PKIG: variants seen among roughly 807,000 people sequenced by gnomAD.
PKIG encodes protein kinase (cAMP-dependent, catalytic) inhibitor gamma.
In PKIG, 1 loss-of-function variant was observed where a neutral mutation model predicts 6.8. The observed-to-expected ratio is 0.15, with a 90% CI of 0.05 to 0.69. The LOEUF is 0.69. Ranked by LOEUF, PKIG falls within the 30% of genes least tolerant of loss-of-function variation. PKIG has a pLI of 0.82. For synonymous variants in PKIG, 39 were observed against 43.0 expected (o/e 0.91, Z 0.36); for missense variants, 77 against 104.0 (o/e 0.74, Z 1.13).
chr20:44,554,362 G>A (rs887298900), intron 1 of PKIG, among the ~76,000 whole-genome samples: 2 of 152,158 alleles, frequency 1.3e-5, no homozygotes, highest in Non-Finnish European at 2.9e-5. Context: ...GATTATAAGT[G>A]TGAGCCACTG....
At position 44,575,935 on chromosome 20, in the gene PKIG, G is replaced by A. The variant is rs534074506; in HGVS notation, c.-240-6650G>A. Among the ~76,000 whole-genome samples, 36 of 152,222 alleles carry A rather than the reference G, an allele frequency of 2.4e-4. No individual in the cohort carries two copies. The South Asian group carries it at 7.3e-3, about 31-fold the overall frequency. ...TCCCTGGGGTCCCACACCATTCCTT[G>A]TCTCTCATTTCCAATGGTGCTTTCT... On this transcript the variant is annotated intron_variant, in intron 1 of 4. Transcript: ENST00000372887.
At chr20:44,580,637 C>A (rs1382865252), upstream of PKIG, among the ~76,000 whole-genome samples, 1 of 151,798 alleles carries the variant, frequency 6.6e-6, no homozygotes, top group African/African-American at 2.4e-5. Context: ...TGTGAGCCAC[C>A]GCGCCCGGCC....
chr20:44,601,173 A>G (rs2065118643), intron 2 of PKIG, among the ~76,000 whole-genome samples: 2 of 152,194 alleles, frequency 1.3e-5, no homozygotes, highest in African/African-American at 4.8e-5. Context: ...TAGGCACCGT[A>G]GAAGTCACTC....
chr20:44,563,865 G>A (rs1379997536), intron 1 of PKIG, among the ~76,000 whole-genome samples: 4 of 152,098 alleles, frequency 2.6e-5, no homozygotes, highest in South Asian at 2.1e-4. Flanking sequence ...CTCTTTATGG[G>A]TTAAGGAAAT....
Position 44,589,812 on chromosome 20 carries a change from T to A in PKIG, c.-78T>A, listed in dbSNP as rs534222641. ...GGTTCCTTAGAATTCCCGTACTGAT[T>A]AGTCAACAGTGGAAAATCTGAAGAG... On this transcript the variant is annotated 5_prime_UTR_variant, in exon 2 of 4. Transcript: ENST00000372886. The A allele has an allele frequency of 1.3e-5, 2 of 152,316 alleles. No homozygotes were observed. Among genetic ancestry groups the A allele is most frequent in the Non-Finnish European group, 2.9e-5 (2 of 68,018 alleles). The allele number at this position is 152,316 out of a possible 1,614,324, so 9.4% of individuals were successfully genotyped here.
chr20:44,612,742 A>G (rs1318929878), intron 2 of PKIG, among the ~76,000 whole-genome samples: 1 of 152,166 alleles, frequency 6.6e-6, no homozygotes, highest in Non-Finnish European at 1.5e-5. Context: ...GCAACTGGGA[A>G]ATGTGTCAAA....
chr20:44,560,065 CAA>C (rs113467337), intron 1 of PKIG, among the ~76,000 whole-genome samples: 13 of 123,188 alleles, frequency 1.1e-4, no homozygotes, highest in African/African-American at 1.6e-4. Context: ...GAAAAAAATA[CAA>C]AAAAAAAAAG....
At chr20:44,540,723 G>A (rs2064553968) in intron 1 of PKIG, among the ~76,000 whole-genome samples, 1 of 151,786 alleles carries the variant, frequency 6.6e-6, no homozygotes, top group Admixed American at 6.6e-5. Context: ...GATTACAGCT[G>A]CCCACCACCA....
At chr20:44,562,492 C>T (rs1317249547) in intron 1 of PKIG, among the ~76,000 whole-genome samples, 2 of 150,838 alleles carry the variant, frequency 1.3e-5, no homozygotes, top group African/African-American at 2.4e-5. Flanking sequence ...GTCCCAGCCA[C>T]TCAGGATGCT....
intron 1 of PKIG, among the ~76,000 whole-genome samples, chr20:44,558,387 G>A (rs2064733656): frequency 6.7e-6 from 1 of 150,292 alleles, no homozygotes; most frequent in African/African-American, 2.5e-5. Flanking sequence ...TGATCGATTG[G>A]TTGATTTTGG....
intron 1 of PKIG, among the ~76,000 whole-genome samples, chr20:44,542,872 C>A (rs1014833276): frequency 6.6e-6 from 1 of 152,162 alleles, no homozygotes; most frequent in Non-Finnish European, 1.5e-5. Flanking sequence ...GGATTACAGG[C>A]GTGAGCCACT....
rs147174163 is a variant in PKIG at position 44,569,153 on chromosome 20, T to C, written c.-240-13432T>C. Among the ~76,000 whole-genome samples, 514 of 152,356 alleles carry C rather than the reference T, an allele frequency of 3.4e-3. 4 individuals carry two copies. The highest frequency in any genetic ancestry group is 0.012 in the African/African-American group (496 of 41,578). ...GTCAAATTGCCCTTTAGGAATGTTG[T>C]ACCGTTTTCCATTTTCACCTACATT... On this transcript the variant is annotated intron_variant, in intron 1 of 4. Coordinates refer to the PKIG transcript ENST00000372887.
At chr20:44,573,383 T>G (rs1600863203) in intron 1 of PKIG, among the ~76,000 whole-genome samples, 2 of 152,280 alleles carry the variant, frequency 1.3e-5, no homozygotes, top group East Asian at 3.8e-4. Flanking sequence ...AACATTTTGT[T>G]GTTGAGAGGA....
intron 1 of PKIG, among the ~76,000 whole-genome samples, chr20:44,544,357 A>G (rs570100839): frequency 8.5e-5 from 13 of 152,290 alleles, no homozygotes; most frequent in African/African-American, 3.1e-4. Flanking sequence ...GATTGGTCGA[A>G]GAGGAATTGT....
At chr20:44,607,328 T>C (rs1031497622) in intron 2 of PKIG, among the ~76,000 whole-genome samples, 6 of 150,882 alleles carry the variant, frequency 4.0e-5, no homozygotes, top group Admixed American at 1.3e-4. Flanking sequence ...TGTGTGTGTG[T>C]GTGTTTGTGT....
At chr20:44,585,424 T>C (rs1343422058) in intron 1 of PKIG, among the ~76,000 whole-genome samples, 2 of 152,218 alleles carry the variant, frequency 1.3e-5, no homozygotes, top group Non-Finnish European at 2.9e-5. Context: ...CACACAGGGC[T>C]GGGCATCTTG....
At chr20:44,601,904 A>C (rs1285667004) in intron 2 of PKIG, among the ~76,000 whole-genome samples, 1 of 152,250 alleles carries the variant, frequency 6.6e-6, no homozygotes, top group Non-Finnish European at 1.5e-5. Context: ...CTCTTGGCAG[A>C]GCCTGGGGCC....
chr20:44,602,490 A>C (rs1466407449), intron 2 of PKIG, among the ~76,000 whole-genome samples: 2 of 152,140 alleles, frequency 1.3e-5, no homozygotes, highest in African/African-American at 4.8e-5. Context: ...AGTGCCTGGC[A>C]TGTAGAAGTT....
intron 2 of PKIG, among the ~76,000 whole-genome samples, chr20:44,610,328 A>G (rs1007433598): frequency 3.9e-5 from 6 of 152,130 alleles, no homozygotes; most frequent in African/African-American, 1.4e-4. Flanking sequence ...TTTCTACCAT[A>G]GGACACCTCC....
Sources: allele counts gnomAD v4.1 joint callset (sites outside exome capture counted in the v4.1 genomes callset), GRCh38; gene constraint gnomAD v4.1.1; transcripts MANE v1.5; gene names NCBI Gene and HGNC (gene_info 2026-07-23, HGNC 2026-07-21).